Variants in CNTN4 observed in about 807,000 individuals in gnomAD.
CNTN4 encodes the protein contactin-4.
A neutral mutation model predicts 122.5 loss-of-function variants in CNTN4; 77 were observed. That is an observed-to-expected ratio of 0.63 (90% confidence interval 0.52 to 0.76). CNTN4 has a LOEUF of 0.76. CNTN4 is among the 30% of genes least tolerant of loss of function. The probability of loss-of-function intolerance (pLI) is 0.00; values close to 1 mark genes in which losing one functional copy is unlikely to be tolerated. For synonymous variants in CNTN4, 512 were observed against 447.0 expected (o/e 1.15, Z -1.83); for missense variants, 1,256 against 1,259.1 (o/e 1.00, Z 0.04).
intron 2 of CNTN4, among the ~76,000 whole-genome samples, chr3:2,212,878 A>C (rs1293474340): frequency 2.6e-5 from 4 of 152,190 alleles, no homozygotes; most frequent in Admixed American, 6.5e-5. Flanking sequence ...TTGGGTTGAG[A>C]TTTTTGACTG....
At chr3:2,654,322 GAA>G (rs1282367126) in intron 4 of CNTN4, among the ~76,000 whole-genome samples, 1 of 152,144 alleles carries the variant, frequency 6.6e-6, no homozygotes, top group Non-Finnish European at 1.5e-5. Context: ...AGAAGTCTCT[GAA>G]AACTATACAG....
chr3:2,981,917 A>C (rs184426773), intron 13 of CNTN4, among the ~76,000 whole-genome samples: 4 of 152,166 alleles, frequency 2.6e-5, no homozygotes, highest in Admixed American at 1.3e-4. Flanking sequence ...GTGGGGGTAC[A>C]TGCCTAGCTA....
intron 4 of CNTN4, among the ~76,000 whole-genome samples, chr3:2,723,909 C>T (rs1248969789): frequency 6.6e-6 from 1 of 152,168 alleles, no homozygotes; most frequent in South Asian, 2.1e-4. Flanking sequence ...GGCCTGTCTC[C>T]AGGCCTCTCT....
At chr3:2,822,350 C>G (rs998402962) in intron 7 of CNTN4, among the ~76,000 whole-genome samples, 1 of 152,174 alleles carries the variant, frequency 6.6e-6, no homozygotes, top group Non-Finnish European at 1.5e-5. Context: ...AAAGAAGTCT[C>G]TCAAATCCCT....
At chr3:2,602,210 CCTATT>C (rs1281785303) in intron 4 of CNTN4, among the ~76,000 whole-genome samples, 4 of 152,172 alleles carry the variant, frequency 2.6e-5, no homozygotes, top group Non-Finnish European at 5.9e-5. Flanking sequence ...TCTCACCACT[CCTATT>C]CAACATAGGG....
rs568360765 is a variant in CNTN4 at position 2,302,685 on chromosome 3, G to A, written c.-144-36493G>A. On this transcript the variant is annotated intron_variant, in intron 2 of 24. Transcript: ENST00000418658. The stretch of plus-strand genomic sequence containing the variant: ...TCCACCTCCAACTATTTTATCATTG[G>A]AAATGCATGAAGGACAAACAACTCA... Among the ~76,000 whole-genome samples the A allele has an allele frequency of 5.9e-5, 9 of 152,194 alleles. No individual in the cohort carries two copies. In the South Asian group the frequency reaches 1.2e-3, roughly 21 times the overall value.
intron 4 of CNTN4, among the ~76,000 whole-genome samples, chr3:2,708,348 A>G (rs1168073392): frequency 6.6e-6 from 1 of 152,190 alleles, no homozygotes; most frequent in Non-Finnish European, 1.5e-5. Flanking sequence ...TTACATCCAA[A>G]TACGACTTAA....
At chr3:2,184,933 CTT>C (rs1366052192) in intron 2 of CNTN4, among the ~76,000 whole-genome samples, 1 of 152,162 alleles carries the variant, frequency 6.6e-6, no homozygotes, top group Non-Finnish European at 1.5e-5. Flanking sequence ...TCCTCAAAAT[CTT>C]TGTGAAGGAT....
chr3:2,192,381 T>C (rs1197045290), intron 2 of CNTN4, among the ~76,000 whole-genome samples: 1 of 152,112 alleles, frequency 6.6e-6, no homozygotes, highest in Non-Finnish European at 1.5e-5. Flanking sequence ...CCACATCCTC[T>C]CCAGCACCTG....
At chr3:2,611,313 G>A (rs6442741) in intron 4 of CNTN4, among the ~76,000 whole-genome samples, 65,640 of 109,292 alleles carry the variant, frequency 0.6, 22,094 homozygotes, top group Non-Finnish European at 0.65. Context: ...AAAAAAAAAA[G>A]AAAGAAAGAA....
chr3:3,020,758 C>A (rs1054848196), intron 14 of CNTN4, among the ~76,000 whole-genome samples: 1 of 152,212 alleles, frequency 6.6e-6, no homozygotes, highest in Non-Finnish European at 1.5e-5. Flanking sequence ...CTTAGCTTAT[C>A]TTCTGCCTAT....
chr3:2,788,554 T>C (rs1256887934), intron 6 of CNTN4, among the ~76,000 whole-genome samples: 5 of 152,214 alleles, frequency 3.3e-5, no homozygotes, highest in Non-Finnish European at 7.3e-5. Flanking sequence ...TTAAATACTA[T>C]TATTTGGCTA....
intron 6 of CNTN4, among the ~76,000 whole-genome samples, chr3:2,814,424 G>C (rs1021390646): frequency 3.4e-5 from 5 of 147,272 alleles, no homozygotes; most frequent in Admixed American, 3.3e-4. Flanking sequence ...CTTCTTAATA[G>C]AGTTGTTTCT....
intron 3 of CNTN4, among the ~76,000 whole-genome samples, chr3:2,485,622 G>T (rs1174091547): frequency 6.6e-6 from 1 of 151,980 alleles, no homozygotes; most frequent in Non-Finnish European, 1.5e-5. Context: ...AGGTAATCTG[G>T]GGGGGACTTG....
intron 3 of CNTN4, among the ~76,000 whole-genome samples, chr3:2,473,732 G>A (rs559369807): frequency 1.3e-5 from 2 of 152,228 alleles, no homozygotes; most frequent in African/African-American, 4.8e-5. Flanking sequence ...ACATTTGCCG[G>A]CCAGGCGCGG....
chr3:2,734,053 GT>G (rs1418731642), intron 4 of CNTN4, among the ~76,000 whole-genome samples: 1 of 151,958 alleles, frequency 6.6e-6, no homozygotes, highest in East Asian at 1.9e-4. Flanking sequence ...CCCTGTCTTT[GT>G]TTTTTGTTGT....
intron 3 of CNTN4, among the ~76,000 whole-genome samples, chr3:2,472,837 A>T (rs2075725689): frequency 6.6e-6 from 1 of 152,134 alleles, no homozygotes; most frequent in African/African-American, 2.4e-5. Context: ...AAAGTATAAG[A>T]TTGTCTATTT....
At chr3:2,148,938 G>A (rs1021688437) in intron 2 of CNTN4, among the ~76,000 whole-genome samples, 3 of 112,458 alleles carry the variant, frequency 2.7e-5, no homozygotes, top group Non-Finnish European at 3.7e-5. Flanking sequence ...CCTTACTACC[G>A]TGACTGTGTG....
At chr3:2,419,773 C>A (rs963137463) in intron 3 of CNTN4, among the ~76,000 whole-genome samples, 1 of 152,274 alleles carries the variant, frequency 6.6e-6, no homozygotes, top group Non-Finnish European at 1.5e-5. Flanking sequence ...TTTACCATGT[C>A]TTTCAAGGAA....
Sources: allele counts gnomAD v4.1 joint callset (sites outside exome capture counted in the v4.1 genomes callset), GRCh38; gene constraint gnomAD v4.1.1; transcripts MANE v1.5; gene names NCBI Gene and HGNC (gene_info 2026-07-23, HGNC 2026-07-21).